ESRRB: variants seen among roughly 807,000 people sequenced by gnomAD.
ESRRB encodes the protein estrogen related receptor beta.
Under a neutral mutation model 46.0 loss-of-function variants are expected in ESRRB, and 16 were observed. The ratio of observed to expected loss-of-function variants is 0.35; its 90% CI spans 0.24 to 0.53. The LOEUF (loss-of-function observed/expected upper bound fraction) is 0.53. Among genes scored for constraint, ESRRB ranks in the 20% least tolerant of loss-of-function variants. The pLI is 0.93. For synonymous variants in ESRRB, 246 were observed against 259.6 expected (o/e 0.95, Z 0.50); for missense variants, 488 against 607.4 (o/e 0.80, Z 2.07).
At position 76,500,304 on chromosome 14, in the gene ESRRB, TG is replaced by T; in HGVS notation, c.*1847del. 1 of 592,924 alleles carries T rather than the reference TG, an allele frequency of 1.7e-6. No homozygotes were observed. Among genetic ancestry groups the T allele is most frequent in the South Asian group, 2.1e-5 (1 of 47,458 alleles). The allele number at this position is 592,924 out of a possible 1,614,324, so 36.7% of individuals were successfully genotyped here. A position where few individuals can be genotyped will look rare whatever the true frequency, so the allele number is the denominator to read the frequency against. Reference sequence around the variant, plus strand: ...ATGTGTCCCTCCGGCTCCCCTTGCCTGTGGGGAATCGGGTCTGAGTCACTTG... The same window carrying T: ...ATGTGTCCCTCCGGCTCCCCTTGCCTTGGGGAATCGGGTCTGAGTCACTTG... On this transcript the variant is annotated 3_prime_UTR_variant, in exon 7 of 7. Coordinates refer to ENST00000644823, the MANE Select transcript of ESRRB (RefSeq NM_001379180.1).
At position 76,408,445 on chromosome 14, in the gene ESRRB, G is replaced by T. The variant is rs538204037; in HGVS notation, c.51-30896G>T. ...AATTTTTAAAAATTAACCAGGTGCA[G>T]GTGCATGGGGGTGCATGCCTGTGGT... is the stretch of plus-strand genomic sequence containing the variant. On this transcript the variant is annotated intron_variant, in intron 1 of 6. Transcript: ENST00000644823. Among the ~76,000 whole-genome samples, 12 of 152,024 alleles carry T rather than the reference G, an allele frequency of 7.9e-5. No individual in the cohort carries two copies. In the South Asian group the frequency reaches 1.7e-3, roughly 21 times the overall value.
chr14:76,360,553 C>A (rs543379984), intron 1 of ESRRB, among the ~76,000 whole-genome samples: 6 of 152,094 alleles, frequency 3.9e-5, no homozygotes, highest in African/African-American at 1.4e-4. Flanking sequence ...GTGGCCCTAC[C>A]GCCAGTAGAA....
chr14:76,482,851 T>A lies in ESRRB; in HGVS notation c.850+92T>A. The A allele has an allele frequency of 6.7e-7, 1 of 1,492,732 alleles. No homozygotes were observed. The highest frequency in any genetic ancestry group is 9.3e-7 in the Non-Finnish European group (1 of 1,079,284). 92.5% of individuals were successfully genotyped at this position (1,492,732 alleles called of 1,614,324 possible). A position where few individuals can be genotyped will look rare whatever the true frequency, so the allele number is the denominator to read the frequency against. Reference sequence around the variant, plus strand: ...AATGGCTGTGCTTCTGATGCCCGGATCCTGGACCCCAGAAGGCCTGTGAAA... The same window carrying A: ...AATGGCTGTGCTTCTGATGCCCGGAACCTGGACCCCAGAAGGCCTGTGAAA... On this transcript the variant is annotated intron_variant, in intron 5 of 6. Transcript: ENST00000644823. This position sits in a 1 kb window ranked among gnomAD's most constrained non-coding sequence, Gnocchi z 4.3.
chr14:76,343,040 G>A (rs952855936), intron 1 of ESRRB, among the ~76,000 whole-genome samples: 1 of 152,184 alleles, frequency 6.6e-6, no homozygotes. Flanking sequence ...CCTAGACAGG[G>A]CATTCAGGGA....
intron 2 of ESRRB, among the ~76,000 whole-genome samples, chr14:76,459,355 C>T (rs1888757066): frequency 6.6e-6 from 1 of 152,094 alleles, no homozygotes; most frequent in Non-Finnish European, 1.5e-5. Flanking sequence ...AGATACAACA[C>T]AGGGGACATT....
At chr14:76,379,063 G>A (rs941874816) in intron 1 of ESRRB, among the ~76,000 whole-genome samples, 2 of 152,196 alleles carry the variant, frequency 1.3e-5, no homozygotes, top group African/African-American at 4.8e-5. Flanking sequence ...AACACATAGA[G>A]AGCATTTGTT....
At chr14:76,486,558 CTTT>C (rs35762017) in intron 5 of ESRRB, among the ~76,000 whole-genome samples, 2 of 149,248 alleles carry the variant, frequency 1.3e-5, no homozygotes, top group South Asian at 2.1e-4. Flanking sequence ...AAATTACGTG[CTTT>C]TTTTTTTTCC....
intron 2 of ESRRB, among the ~76,000 whole-genome samples, chr14:76,452,796 A>G (rs535384493): frequency 6.6e-6 from 1 of 152,208 alleles, no homozygotes; most frequent in Non-Finnish European, 1.5e-5. Flanking sequence ...CAGAAGGAAC[A>G]ATTTCGTCAG....
At chr14:76,481,835 G>A (rs1263484267) in intron 3 of ESRRB, among the ~76,000 whole-genome samples, 181 bp from the exon 4 acceptor site, 2 of 152,202 alleles carry the variant, frequency 1.3e-5, no homozygotes, top group Non-Finnish European at 2.9e-5. Flanking sequence ...CGCCATTACT[G>A]TTAGACAATT....
At chr14:76,350,817 C>T (rs190179283) in intron 1 of ESRRB, among the ~76,000 whole-genome samples, 161 of 152,264 alleles carry the variant, frequency 1.1e-3, no homozygotes, top group Non-Finnish European at 1.8e-3. Flanking sequence ...ACTAGCAGGA[C>T]GCAGCTTCTC....
intron 1 of ESRRB, among the ~76,000 whole-genome samples, chr14:76,432,425 C>CAGTA (rs1887487088): frequency 6.6e-6 from 1 of 152,212 alleles, no homozygotes; most frequent in African/African-American, 2.4e-5. Flanking sequence ...TTTCTGCTCC[C>CAGTA]ACTTTGTCCC....
chr14:76,427,364 T>G (rs1051050402), intron 1 of ESRRB, among the ~76,000 whole-genome samples: 1 of 152,134 alleles, frequency 6.6e-6, no homozygotes, highest in Non-Finnish European at 1.5e-5. Flanking sequence ...TGTGTGTATG[T>G]GTGTGTACGT....
intron 3 of ESRRB, among the ~76,000 whole-genome samples, chr14:76,468,280 T>C (rs1207781378): frequency 6.6e-6 from 1 of 152,140 alleles, no homozygotes; most frequent in South Asian, 2.1e-4. Context: ...ATATTAGTGT[T>C]TTGAAACAAA....
At chr14:76,348,408 T>C (rs546120100) in intron 1 of ESRRB, among the ~76,000 whole-genome samples, 2 of 152,258 alleles carry the variant, frequency 1.3e-5, no homozygotes, top group African/African-American at 4.8e-5. Context: ...CACAGGCTGG[T>C]TTCTTAGTAT....
upstream of ESRRB, among the ~76,000 whole-genome samples, chr14:76,368,937 C>T (rs1328487199): frequency 2.0e-5 from 3 of 152,158 alleles, no homozygotes; most frequent in African/African-American, 7.2e-5. Context: ...TGGCTCACGC[C>T]TGTAATCCCA....
chr14:76,344,724 C>G (rs112215977), intron 1 of ESRRB, among the ~76,000 whole-genome samples: 1 of 152,120 alleles, frequency 6.6e-6, no homozygotes, highest in Non-Finnish European at 1.5e-5. Context: ...TGGTGGTGGG[C>G]ACCTGTAGTC....
intron 5 of ESRRB, among the ~76,000 whole-genome samples, chr14:76,489,232 C>T (rs1242909725): frequency 6.6e-6 from 1 of 151,936 alleles, no homozygotes; most frequent in Non-Finnish European, 1.5e-5. Flanking sequence ...CTTTTAGACC[C>T]CCTCCCTAGA....
intron 1 of ESRRB, among the ~76,000 whole-genome samples, chr14:76,394,503 A>G (rs1352765761): frequency 6.6e-6 from 1 of 152,074 alleles, no homozygotes; most frequent in African/African-American, 2.4e-5. Context: ...CTCCTCCCCA[A>G]AGAGGATGCA....
intron 2 of ESRRB, among the ~76,000 whole-genome samples, chr14:76,457,510 C>G (rs1888665362): frequency 6.7e-6 from 1 of 150,248 alleles, no homozygotes; most frequent in African/African-American, 2.5e-5. Context: ...TGGCCCAAGA[C>G]AATTCTTCTT....
Sources: allele counts gnomAD v4.1 joint callset (sites outside exome capture counted in the v4.1 genomes callset), GRCh38; gene constraint gnomAD v4.1.1; non-coding constraint Gnocchi (gnomAD v3.1); transcripts MANE v1.5; gene names NCBI Gene and HGNC (gene_info 2026-07-23, HGNC 2026-07-21).